NARF: variants seen among roughly 807,000 people sequenced by gnomAD.
NARF encodes the protein iron-only hydrogenase-like protein 2.
In NARF, 41 loss-of-function variants were observed where a neutral mutation model predicts 48.0. The ratio of observed to expected loss-of-function variants is 0.85; its 90% CI spans 0.66 to 1.11. The LOEUF is 1.11. Among genes scored for constraint, NARF ranks in the 50% least tolerant of loss-of-function variants. The pLI is 0.00. For missense variants in NARF, 613 were observed against 590.2 expected, an observed-to-expected ratio of 1.04 and a Z score of -0.40; for synonymous variants, 215 against 225.5, an observed-to-expected ratio of 0.95 and a Z score of 0.42.
chr17:82,469,311 G>A (rs912034101), intron 4 of NARF, among the ~76,000 whole-genome samples: 2 of 152,216 alleles, frequency 1.3e-5, no homozygotes, highest in African/African-American at 4.8e-5. Context: ...TCTCTGAAGA[G>A]CAGAGCAGAA....
rs200708739 is a variant in NARF at position 82,472,725 on chromosome 17, G to T, written c.520+27G>T. 3.0e-4 allele frequency: 481 copies of T among 1,595,388 alleles called. No homozygotes were observed. The African/African-American group carries it at 3.6e-3, about 12-fold the overall frequency. On this transcript the variant is annotated intron_variant, in intron 5 of 10. Transcript: ENST00000309794. ...TGAGCCCCTGGACCCCCGCTCTGTT[G>T]GCCTGAGGTGCCAAAAGAGGTTTCA...
intron 7 of NARF, 99 bp from the exon 8 acceptor site, chr17:82,483,617 G>T: frequency 9.4e-7 from 1 of 1,060,238 alleles, no homozygotes; most frequent in Admixed American, 1.8e-5. Context: ...TCATAAGAGG[G>T]AGGTCACCCA....
rs144945214 is a variant in NARF, at chr17:82,478,814, G to A, written c.535G>A (p.Ala179Thr). 2.3e-4 allele frequency: 377 copies of A among 1,613,662 alleles called. 3 individuals are homozygous for A. In the African/African-American group the frequency reaches 4.1e-3, roughly 17 times the overall value. ...TCTCTCCCCAGGCTGGGTCCGATAC[G>A]CCGAGCGGGTGCTGGGTCGCCCCAT... ...TSACPGWVRY[A>T]ERVLGRPITA... Residue 179 changes from alanine to threonine, a missense_variant, in exon 6 of 11, where the codon GCC becomes ACC. Physicochemically the swap from Ala to Thr is moderately conservative, Grantham distance 58. Coordinates refer to ENST00000309794, the MANE Select transcript of NARF (RefSeq NM_012336.4).
chr17:82,459,196 C>A (rs1481772431), intron 1 of NARF: 9 of 1,051,774 alleles, frequency 8.6e-6, no homozygotes, highest in Non-Finnish European at 1.0e-5. Flanking sequence ...ACCTGCCCCT[C>A]TGAGGGTCAC....
intron 2 of NARF, chr17:82,460,932 T>C (rs2143816965): frequency 6.6e-6 from 1 of 152,340 alleles, no homozygotes; most frequent in East Asian, 1.9e-4. Flanking sequence ...TTTTCCCCTT[T>C]TGAGACAGGG....
rs891266644 is a variant in NARF at position 82,488,040 on chromosome 17, G to A, written c.1254G>A (p.Val418=). The A allele has an allele frequency of 9.3e-6, 15 of 1,614,192 alleles. No homozygotes were observed. The highest frequency in any genetic ancestry group is 1.3e-5 in the Non-Finnish European group (15 of 1,180,046). ...PVRRPESSAH[V]QELYQEWLEG... is the part of the protein sequence containing the mutation. ...GGCGTCCGGAGTCCAGTGCACACGT[G>A]CAGGAGCTGTACCAGGAGTGGCTGG... The change falls in exon 11 of 11, where the codon GTG becomes GTA. Residue 418 remains valine (V), a synonymous_variant. Transcript: ENST00000309794.
chr17:82,459,013 A>G, intron 1 of NARF, 183 bp downstream of exon 1: 1 of 1,210,384 alleles, frequency 8.3e-7, no homozygotes, highest in African/African-American at 1.6e-5. Flanking sequence ...TGCGCTCTGC[A>G]GGGCGGGTTC....
At chr17:82,485,038 T>G in intron 9 of NARF, 88 bp downstream of exon 9, 6 of 1,440,272 alleles carry the variant, frequency 4.2e-6, no homozygotes, top group Non-Finnish European at 5.5e-6. Context: ...GTGGCGGTTC[T>G]ATGGATGGAG....
At chr17:82,481,812 T>C (rs970738105) in intron 7 of NARF, 3 of 418,478 alleles carry the variant, frequency 7.2e-6, no homozygotes, top group African/African-American at 2.1e-5. Flanking sequence ...TTACAGTCCA[T>C]GTAAGGTACT....
intron 5 of NARF, among the ~76,000 whole-genome samples, chr17:82,474,960 C>A (rs1012210129): frequency 1.2e-4 from 18 of 152,146 alleles, no homozygotes; most frequent in Admixed American, 1.2e-3. Context: ...AGCCATTTGA[C>A]GCCAGATACA....
intron 10 of NARF, 128 bp from the exon 11 acceptor site, chr17:82,487,788 C>T (rs1305599601): frequency 6.6e-6 from 5 of 759,764 alleles, no homozygotes; most frequent in Non-Finnish European, 1.0e-5. Context: ...CCCTCCCGCC[C>T]AATCTCTACA....
Position 82,468,753 on chromosome 17 carries a change from T to C in NARF, c.253-11T>C. 6.2e-7 allele frequency: 1 copy of C among 1,613,102 alleles called. No homozygotes were observed. The highest frequency in any genetic ancestry group is 8.5e-7 in the Non-Finnish European group (1 of 1,179,608). On this transcript the variant is annotated splice_polypyrimidine_tract_variant and intron_variant, in intron 3 of 10. Transcript: ENST00000309794. ...CAGCAGATACCTAACATTCTCTATT[T>C]CTCCTTCTAGAAATGTGATACCTCA...
intron 1 of NARF, among the ~76,000 whole-genome samples, 181 bp from the exon 2 acceptor site, chr17:82,459,811 G>A (rs1015236555): frequency 1.3e-5 from 2 of 152,152 alleles, no homozygotes; most frequent in African/African-American, 4.8e-5. Context: ...GGAGGCTGCA[G>A]TGAGCCGAGA....
At chr17:82,472,460 G>A in intron 4 of NARF, 104 bp from the exon 5 acceptor site, 2 of 1,337,386 alleles carry the variant, frequency 1.5e-6, no homozygotes, top group Non-Finnish European at 2.0e-6. Flanking sequence ...CTCTAGCCTG[G>A]GTGACAGAAC....
intron 2 of NARF, 53 bp from the exon 3 acceptor site, chr17:82,464,234 G>A: frequency 6.3e-7 from 1 of 1,581,966 alleles, no homozygotes; most frequent in Non-Finnish European, 8.6e-7. Flanking sequence ...CTCTAAAGAA[G>A]CACATTAAAG....
chr17:82,464,797 A>G (rs2043524270), intron 3 of NARF, among the ~76,000 whole-genome samples: 1 of 152,158 alleles, frequency 6.6e-6, no homozygotes, highest in African/African-American at 2.4e-5. Context: ...TTCGGACACG[A>G]GAGTTATGTT....
At position 82,468,859 on chromosome 17, in the gene NARF, T is replaced by C. The variant is rs762131960; in HGVS notation, c.348T>C (p.Asp116=). The C allele has an allele frequency of 1.2e-6, 2 of 1,614,196 alleles. No homozygotes were observed. Among genetic ancestry groups the C allele is most frequent in the South Asian group, 1.1e-5 (1 of 91,086 alleles). Residue 116 remains aspartate, a synonymous_variant, in exon 4 of 11, where the codon GAT becomes GAC. Coordinates refer to ENST00000309794, the MANE Select transcript of NARF (RefSeq NM_012336.4). ...FAAKFNLSVT[D]ASRRLCGFLK... The stretch of plus-strand genomic sequence containing the variant: ...CTAAATTCAACCTCAGTGTAACTGA[T>C]GCATCCAGAAGACTCTGTGGTTTCC...
intron 10 of NARF, among the ~76,000 whole-genome samples, chr17:82,486,904 G>A (rs2044107628): frequency 6.6e-6 from 1 of 152,198 alleles, no homozygotes; most frequent in Non-Finnish European, 1.5e-5. Context: ...ATAGATAGGA[G>A]ACACATTTTT....
chr17:82,471,952 T>A (rs907243135), intron 4 of NARF, among the ~76,000 whole-genome samples: 14 of 151,874 alleles, frequency 9.2e-5, no homozygotes, highest in Non-Finnish European at 1.6e-4. Flanking sequence ...ATATATGGAG[T>A]AAGGTGTTTT....
Sources: allele counts gnomAD v4.1 joint callset (sites outside exome capture counted in the v4.1 genomes callset), GRCh38; gene constraint gnomAD v4.1.1; transcripts MANE v1.5; gene names NCBI Gene and HGNC (gene_info 2026-07-23, HGNC 2026-07-21).